The following SLC22A14 variants were observed in gnomAD, a reference collection of about 807,000 sequenced individuals.
The protein encoded by SLC22A14 is organic cation transporter-like 4.
In SLC22A14, 50 loss-of-function variants were observed where a neutral mutation model predicts 53.9. The observed-to-expected ratio is 0.93, with a 90% confidence interval of 0.74 to 1.17. The LOEUF (loss-of-function observed/expected upper bound fraction) is 1.17. SLC22A14 is among the 50% of genes most tolerant of loss of function. The pLI is 0.00. For synonymous variants in SLC22A14, 312 were observed against 303.0 expected (o/e 1.03, Z -0.31); for missense variants, 671 against 734.7 (o/e 0.91, Z 1.00).
At chr3:38,316,088 G>A (rs986901260) in intron 9 of SLC22A14, among the ~76,000 whole-genome samples, 20 of 152,200 alleles carry the variant, frequency 1.3e-4, no homozygotes, top group South Asian at 2.1e-4. Flanking sequence ...TGCCTGGCTG[G>A]CATCACTGCC....
intron 1 of SLC22A14, 96 bp downstream of exon 1, chr3:38,282,435 G>C (rs528184329): frequency 6.6e-6 from 1 of 152,418 alleles, no homozygotes; most frequent in Admixed American, 6.5e-5. Flanking sequence ...GCAATTTTGC[G>C]GCCGCGTTCT....
At position 38,307,855 on chromosome 3, in the gene SLC22A14, G is replaced by T; in HGVS notation, c.775+135G>T. ...AAGGGGGCGTGGTGTAGCTGTAAGA[G>T]GGCATGGCGGGGGTGTGGCAGCGTG... On this transcript the variant is annotated intron_variant, in intron 4 of 10. Transcript: ENST00000448498. This position sits in a 1 kb window ranked among gnomAD's most constrained non-coding sequence, Gnocchi z 4.4. The T allele has an allele frequency of 1.1e-6, 1 of 940,176 alleles. No homozygotes were observed. Among genetic ancestry groups the T allele is most frequent in the East Asian group, 2.4e-5 (1 of 41,180 alleles). 58.2% of individuals were successfully genotyped at this position (940,176 alleles called of 1,614,324 possible).
At position 38,313,896 on chromosome 3, in the gene SLC22A14, C is replaced by T. The variant is rs767352284; in HGVS notation, c.1333C>T (p.Leu445Phe). The T allele has an allele frequency of 1.9e-6, 3 of 1,614,046 alleles. No homozygotes were observed. Among genetic ancestry groups the T allele is most frequent in the South Asian group, 2.2e-5 (2 of 91,082 alleles). Residue 445 changes from leucine to phenylalanine, a missense_variant, in exon 8 of 11, where the codon CTC (leucine) becomes TTC (phenylalanine). By Grantham distance (22) the Leu-to-Phe change is conservative. Transcript: ENST00000448498. Reference protein sequence around the residue: ...GRKWSLAVTLLQAIIWCLLLL... With the variant: ...GRKWSLAVTLFQAIIWCLLLL... Reference sequence around the variant, plus strand: ...GAAGTGGAGCCTGGCTGTGACTCTCCTCCAAGCCATCATCTGGTGCTTGCT... The same window carrying T: ...GAAGTGGAGCCTGGCTGTGACTCTCTTCCAAGCCATCATCTGGTGCTTGCT...
chr3:38,314,945 G>A (rs752561222), intron 8 of SLC22A14, among the ~76,000 whole-genome samples: 1 of 152,268 alleles, frequency 6.6e-6, no homozygotes, highest in Non-Finnish European at 1.5e-5. Context: ...GGACTGGAAT[G>A]GGAGTAAGGC....
upstream of SLC22A14, among the ~76,000 whole-genome samples, chr3:38,279,382 A>G (rs1343703534): frequency 6.6e-6 from 1 of 152,196 alleles, no homozygotes; most frequent in Admixed American, 6.5e-5. Flanking sequence ...AGATATGGAC[A>G]CTTGCTCCCT....
chr3:38,291,843 A>G (rs1374101637), intron 1 of SLC22A14, among the ~76,000 whole-genome samples: 1 of 152,184 alleles, frequency 6.6e-6, no homozygotes, highest in Non-Finnish European at 1.5e-5. Flanking sequence ...AGTTTCCTTA[A>G]TTAGTGTATA....
At chr3:38,285,544 G>A (rs1197440794) in intron 1 of SLC22A14, among the ~76,000 whole-genome samples, 2 of 152,120 alleles carry the variant, frequency 1.3e-5, no homozygotes, top group African/African-American at 4.8e-5. Flanking sequence ...TTTATAAAAA[G>A]AGCATCAGTT....
chr3:38,293,173 C>T (rs180721645), intron 1 of SLC22A14, among the ~76,000 whole-genome samples: 4 of 152,310 alleles, frequency 2.6e-5, no homozygotes, highest in African/African-American at 9.6e-5. Flanking sequence ...GGCAGTGGGC[C>T]TTCCAGTGAT....
rs114762122 is a variant in SLC22A14 at position 38,306,515 on chromosome 3, C to T, written c.489C>T (p.Asp163=). The T allele has an allele frequency of 6.4e-3, 10,329 of 1,613,722 alleles. 39 individuals are homozygous for T. Among genetic ancestry groups the T allele is most frequent in the Non-Finnish European group, 8.1e-3 (9,542 of 1,179,702 alleles). Residue 163 remains aspartate, a synonymous_variant, in exon 2 of 11, where the codon GAC becomes GAT. Coordinates refer to ENST00000448498, the MANE Select transcript of SLC22A14 (RefSeq NM_001320033.2). ...GCCAAGATGGGTGGATCTATCCTGA[C>T]GCTAAGAAGCGATCGCTGATCAATG... ...DTCQDGWIYP[D]AKKRSLINEF... is the part of the protein sequence containing the mutation.
chr3:38,304,140 G>A (rs151002553), intron 1 of SLC22A14, among the ~76,000 whole-genome samples: 3,474 of 148,314 alleles, frequency 0.023, 123 homozygotes, highest in African/African-American at 0.077. Flanking sequence ...GCAGTGAGCC[G>A]AGATCACACT....
intron 1 of SLC22A14, chr3:38,305,082 G>A (rs1178251549): frequency 6.6e-6 from 1 of 152,186 alleles, no homozygotes; most frequent in South Asian, 2.1e-4. Flanking sequence ...CCTTCCAAAA[G>A]TGTCTGCTTT....
intron 1 of SLC22A14, among the ~76,000 whole-genome samples, chr3:38,286,175 A>G (rs1022039460): frequency 6.6e-6 from 1 of 152,114 alleles, no homozygotes; most frequent in Middle Eastern, 3.2e-3. Flanking sequence ...CCAGGGGGTG[A>G]AGGTTGCGGT....
chr3:38,308,893 G>T (rs1355817320), intron 4 of SLC22A14, 61 bp from the exon 5 acceptor site: 2 of 1,516,754 alleles, frequency 1.3e-6, no homozygotes, highest in Non-Finnish European at 1.8e-6. Flanking sequence ...AAGGCTGGAT[G>T]CAAGGGCAGC....
At chr3:38,289,096 C>G (rs1182797573) in intron 1 of SLC22A14, among the ~76,000 whole-genome samples, 1 of 149,144 alleles carries the variant, frequency 6.7e-6, no homozygotes, top group African/African-American at 2.5e-5. Flanking sequence ...AGAAGGCACA[C>G]CTAAGCCCGG....
intron 1 of SLC22A14, chr3:38,305,635 TC>T: frequency 5.8e-6 from 1 of 173,270 alleles, no homozygotes; most frequent in Admixed American, 5.6e-5. Flanking sequence ...ACGATGCAGA[TC>T]TTTGTTTGTT....
intron 1 of SLC22A14, among the ~76,000 whole-genome samples, chr3:38,296,060 A>G (rs1270000279): frequency 6.6e-6 from 1 of 152,194 alleles, no homozygotes; most frequent in Admixed American, 6.5e-5. Context: ...ATTAGTACCT[A>G]GGAGGCAGGG....
At chr3:38,280,910 G>A (rs138217373), upstream of SLC22A14, among the ~76,000 whole-genome samples, 43 of 152,356 alleles carry the variant, frequency 2.8e-4, no homozygotes, top group East Asian at 7.7e-3. Context: ...GATTACAGGC[G>A]TGAGCCACCA....
intron 1 of SLC22A14, among the ~76,000 whole-genome samples, chr3:38,289,363 C>T (rs1703860896): frequency 1.3e-5 from 2 of 152,080 alleles, no homozygotes; most frequent in Non-Finnish European, 1.5e-5. Context: ...CACTAACATT[C>T]TTTTCCCAGT....
intron 10 of SLC22A14, 117 bp from the exon 11 acceptor site, chr3:38,318,081 G>A: frequency 2.2e-6 from 2 of 902,382 alleles, no homozygotes; most frequent in Non-Finnish European, 3.6e-6. Flanking sequence ...CTGCCGGAGT[G>A]AGAAAGCCTC....
Sources: gnomAD v4.1 joint callset for allele counts (sites outside exome capture counted in the v4.1 genomes callset) on GRCh38, gnomAD v4.1.1 for gene constraint, Gnocchi (gnomAD v3.1) non-coding constraint, MANE v1.5 for transcripts, NCBI Gene and HGNC (gene_info 2026-07-23, HGNC 2026-07-21) for gene names.